SGCZ: variants seen among roughly 807,000 people sequenced by gnomAD.
The protein encoded by SGCZ is sarcoglycan zeta.
A neutral mutation model predicts 41.3 loss-of-function variants in SGCZ; 40 were observed. The ratio of observed to expected loss-of-function variants is 0.97; its 90% confidence interval spans 0.75 to 1.26. The LOEUF is 1.26. Ranked by LOEUF, SGCZ falls within the 50% of genes most tolerant of loss-of-function variation. SGCZ has a pLI of 0.00. For synonymous variants in SGCZ, 206 were observed against 137.5 expected (o/e 1.50, Z -3.49); for missense variants, 552 against 369.8 (o/e 1.49, Z -4.04).
At chr8:14,562,764 G>C (rs998540820) in intron 1 of SGCZ, among the ~76,000 whole-genome samples, 2 of 152,114 alleles carry the variant, frequency 1.3e-5, no homozygotes, top group Admixed American at 6.6e-5. Context: ...TTGTATTGCA[G>C]TATTAAACCC....
chr8:14,679,004 G>A (rs1006679111), intron 1 of SGCZ, among the ~76,000 whole-genome samples: 3 of 152,136 alleles, frequency 2.0e-5, no homozygotes, highest in Non-Finnish European at 4.4e-5. Flanking sequence ...ACGTATGATA[G>A]TTGCCTGTCC....
intron 1 of SGCZ, among the ~76,000 whole-genome samples, chr8:15,144,450 G>C (rs1026762860): frequency 6.7e-6 from 1 of 149,434 alleles, no homozygotes; most frequent in African/African-American, 2.4e-5. Context: ...ACAGTTTGTT[G>C]TCTTAGCAGG....
At chr8:14,485,277 C>A (rs960159449) in intron 2 of SGCZ, among the ~76,000 whole-genome samples, 1 of 152,174 alleles carries the variant, frequency 6.6e-6, no homozygotes, top group African/African-American at 2.4e-5. Flanking sequence ...CCACCCCCTG[C>A]CCCCGCTGGA....
intron 3 of SGCZ, among the ~76,000 whole-genome samples, chr8:14,251,001 A>C (rs1226190912): frequency 1.3e-5 from 2 of 152,062 alleles, no homozygotes; most frequent in Non-Finnish European, 2.9e-5. Context: ...GCTGAGGTGG[A>C]GGGATCACCT....
At chr8:14,277,006 G>T (rs753100059) in intron 3 of SGCZ, among the ~76,000 whole-genome samples, 4 of 152,182 alleles carry the variant, frequency 2.6e-5, no homozygotes, top group East Asian at 1.9e-4. Context: ...CCACACTGTG[G>T]AGTGTACTTT....
intron 7 of SGCZ, among the ~76,000 whole-genome samples, chr8:14,100,031 T>C (rs1030518960): frequency 6.6e-6 from 1 of 152,188 alleles, no homozygotes; most frequent in South Asian, 2.1e-4. Flanking sequence ...ATAAGGACTT[T>C]ATATCCCTCT....
At chr8:14,478,895 C>G (rs547728256) in intron 2 of SGCZ, among the ~76,000 whole-genome samples, 1 of 151,430 alleles carries the variant, frequency 6.6e-6, no homozygotes, top group Non-Finnish European at 1.5e-5. Flanking sequence ...TCTCTGGTCG[C>G]TACATCTGCT....
intron 3 of SGCZ, among the ~76,000 whole-genome samples, chr8:14,282,968 G>C (rs995417623): frequency 6.9e-6 from 1 of 144,708 alleles, no homozygotes; most frequent in Non-Finnish European, 1.5e-5. Flanking sequence ...TCCTGCCTCA[G>C]CCTCCCGAGT....
At chr8:14,127,236 G>T (rs187462330) in intron 5 of SGCZ, among the ~76,000 whole-genome samples, 3 of 152,086 alleles carry the variant, frequency 2.0e-5, no homozygotes, top group Non-Finnish European at 4.4e-5. Flanking sequence ...TCTGGTTCCC[G>T]TTCTGCCACT....
intron 1 of SGCZ, among the ~76,000 whole-genome samples, chr8:15,027,898 C>A (rs1481250211): frequency 6.6e-6 from 1 of 151,986 alleles, no homozygotes; most frequent in Non-Finnish European, 1.5e-5. Flanking sequence ...CATGTAATAT[C>A]TATTAGCATA....
At chr8:14,735,361 C>T (rs1798996621) in intron 1 of SGCZ, among the ~76,000 whole-genome samples, 1 of 152,186 alleles carries the variant, frequency 6.6e-6, no homozygotes, top group Non-Finnish European at 1.5e-5. Flanking sequence ...AATTGGCCGC[C>T]AGCACGGCTA....
intron 1 of SGCZ, among the ~76,000 whole-genome samples, chr8:14,686,319 A>G (rs2117556054): frequency 6.6e-6 from 1 of 152,308 alleles, no homozygotes; most frequent in South Asian, 2.1e-4. Flanking sequence ...AATATACAAT[A>G]TAGTAACAAA....
At chr8:15,219,896 T>C (rs1372866859) in intron 1 of SGCZ, among the ~76,000 whole-genome samples, 1 of 152,216 alleles carries the variant, frequency 6.6e-6, no homozygotes, top group Non-Finnish European at 1.5e-5. Context: ...TTTTAGCTGC[T>C]TGAGATAAAA....
intron 3 of SGCZ, among the ~76,000 whole-genome samples, chr8:14,297,090 T>A (rs974259837): frequency 2.0e-4 from 31 of 151,948 alleles, no homozygotes; most frequent in Admixed American, 2.0e-3. Flanking sequence ...CCCAGCTAAT[T>A]TTTTGTATTT....
intron 1 of SGCZ, among the ~76,000 whole-genome samples, chr8:14,849,302 C>A (rs1222263598): frequency 6.6e-6 from 1 of 151,808 alleles, no homozygotes; most frequent in African/African-American, 2.4e-5. Context: ...ATACAGCAAC[C>A]ATATGATCCA....
At chr8:14,590,266 G>C (rs375556227) in intron 1 of SGCZ, among the ~76,000 whole-genome samples, 3 of 152,014 alleles carry the variant, frequency 2.0e-5, no homozygotes, top group African/African-American at 7.2e-5. Flanking sequence ...GGTGTGGTAA[G>C]TCATAAATTC....
At chr8:14,409,800 G>A (rs542496927) in intron 2 of SGCZ, among the ~76,000 whole-genome samples, 3 of 152,200 alleles carry the variant, frequency 2.0e-5, no homozygotes, top group South Asian at 2.1e-4. Flanking sequence ...TAGATTACCA[G>A]TTTGAAAATA....
At chr8:15,024,909 C>G (rs552459744) in intron 1 of SGCZ, among the ~76,000 whole-genome samples, 20 of 151,090 alleles carry the variant, frequency 1.3e-4, no homozygotes, top group Admixed American at 2.7e-4. Context: ...GCACTCCAGC[C>G]TGGGCGACAG....
intron 1 of SGCZ, among the ~76,000 whole-genome samples, chr8:14,729,420 A>C (rs895552411): frequency 2.6e-5 from 4 of 152,220 alleles, no homozygotes; most frequent in Non-Finnish European, 5.9e-5. Flanking sequence ...TGAAGACAGG[A>C]CCTTTTAAAG....
Sources: gnomAD v4.1 joint callset for allele counts (sites outside exome capture counted in the v4.1 genomes callset) on GRCh38, gnomAD v4.1.1 for gene constraint, MANE v1.5 for transcripts, NCBI Gene and HGNC (gene_info 2026-07-23, HGNC 2026-07-21) for gene names.